The following RIMS4 variants were observed in gnomAD, a reference collection of about 807,000 sequenced individuals.
RIMS4 encodes the protein regulating synaptic membrane exocytosis 4.
Under a neutral mutation model 29.0 loss-of-function variants are expected in RIMS4, and 9 were observed. The observed-to-expected ratio is 0.31, with a 90% confidence interval of 0.19 to 0.54. The LOEUF (loss-of-function observed/expected upper bound fraction) is 0.54, where lower values mean the gene tolerates loss of function less well. Among genes scored for constraint, RIMS4 ranks in the 20% least tolerant of loss-of-function variants. The pLI, the probability that RIMS4 is intolerant of heterozygous loss-of-function variation, is 0.94. For synonymous variants in RIMS4, 130 were observed against 152.9 expected (o/e 0.85, Z 1.10); for missense variants, 193 against 365.7 (o/e 0.53, Z 3.85).
At chr20:44,787,679 AG>A (rs1474118283) in intron 1 of RIMS4, among the ~76,000 whole-genome samples, 1 of 150,736 alleles carries the variant, frequency 6.6e-6, no homozygotes, top group African/African-American at 2.5e-5. Context: ...CCCAGAGAAA[AG>A]TTTTGGTTTT....
chr20:44,764,255 C>CATCCATCCATCCATCCATCCATCCA (rs1325046131), intron 2 of RIMS4, among the ~76,000 whole-genome samples: 3 of 144,312 alleles, frequency 2.1e-5, no homozygotes, highest in African/African-American at 5.2e-5. Flanking sequence ...TCCATCCATC[C>CATCCATCCATCCATCCATCCATCCA]TCCCACAAAC....
chr20:44,772,207 T>C (rs2066140387), intron 1 of RIMS4, among the ~76,000 whole-genome samples: 4 of 152,132 alleles, frequency 2.6e-5, no homozygotes, highest in Non-Finnish European at 5.9e-5. Context: ...ATCCAAGATC[T>C]TTCTTGACCT....
chr20:44,789,431 G>A (rs1192310086), intron 1 of RIMS4, among the ~76,000 whole-genome samples: 2 of 152,120 alleles, frequency 1.3e-5, no homozygotes, highest in African/African-American at 4.8e-5. Context: ...TGAGTAGCTG[G>A]GACGGCAGGC....
In RIMS4 at chr20:44,810,375, G is replaced by A; in HGVS notation, c.-104C>T. ...CTTGACGCGGAGTACGGCGCGCGGC[G>A]TGGTGGCGGCGGCCCGGGGCCGGGC... On this transcript the variant is annotated 5_prime_UTR_variant, in exon 1 of 6. In the 5' UTR this introduces an upstream ATG that the reference lacks. Transcript: ENST00000372851. 1 of 205,670 alleles carries A rather than the reference G, an allele frequency of 4.9e-6. No homozygotes were observed. The highest frequency in any genetic ancestry group is 8.4e-6 in the Non-Finnish European group (1 of 119,494). 12.7% of individuals were successfully genotyped at this position (205,670 alleles called of 1,614,324 possible).
chr20:44,807,765 T>C (rs2066305241), intron 1 of RIMS4, among the ~76,000 whole-genome samples: 1 of 152,234 alleles, frequency 6.6e-6, no homozygotes, highest in Non-Finnish European at 1.5e-5. Flanking sequence ...CAACGCTGCC[T>C]ACTTCTGACT....
chr20:44,799,682 C>G (rs1117080), intron 1 of RIMS4, among the ~76,000 whole-genome samples: 38,495 of 152,076 alleles, frequency 0.25, 5,521 homozygotes, highest in East Asian at 0.43. Flanking sequence ...GAGATAAAGG[C>G]AGCAAACTTG....
Position 44,751,896 on chromosome 20 carries a change from G to A in RIMS4, c.*4238C>T, listed in dbSNP as rs971029405. 5 of 152,222 alleles carry A rather than the reference G, an allele frequency of 3.3e-5. No individual in the cohort carries two copies. The highest frequency in any genetic ancestry group is 1.2e-4 in the African/African-American group (5 of 41,432). 9.4% of individuals were successfully genotyped at this position (152,222 alleles called of 1,614,324 possible). A position where few individuals can be genotyped will look rare whatever the true frequency, so the allele number is the denominator to read the frequency against. On this transcript the variant is annotated 3_prime_UTR_variant, in exon 6 of 6. Transcript: ENST00000372851. ...ACCCCACTCCAACCCAAGGGCCCCAGAAACCCTCCCTCCCTAAAGGCCTGG... is the reference window on the plus strand; with the variant it reads ...ACCCCACTCCAACCCAAGGGCCCCAAAAACCCTCCCTCCCTAAAGGCCTGG...
chr20:44,801,725 T>C (rs1248761414), intron 1 of RIMS4, among the ~76,000 whole-genome samples: 1 of 152,122 alleles, frequency 6.6e-6, no homozygotes, highest in Non-Finnish European at 1.5e-5. Context: ...CTAGAGGCTT[T>C]ATGAGGGCCT....
intron 2 of RIMS4, among the ~76,000 whole-genome samples, chr20:44,760,293 C>T (rs919345933): frequency 3.9e-5 from 6 of 152,142 alleles, no homozygotes; most frequent in African/African-American, 1.4e-4. Flanking sequence ...ACTTACTCTT[C>T]TTATTGGGTG....
intron 1 of RIMS4, among the ~76,000 whole-genome samples, chr20:44,782,877 T>C (rs949618864): frequency 2.6e-5 from 4 of 152,180 alleles, no homozygotes; most frequent in Non-Finnish European, 4.4e-5. Context: ...AGACACCAAA[T>C]GGTTTGTTCC....
intron 2 of RIMS4, among the ~76,000 whole-genome samples, chr20:44,763,814 AGATG>A (rs980747855): frequency 1.3e-5 from 2 of 152,204 alleles, no homozygotes; most frequent in African/African-American, 4.8e-5. Flanking sequence ...TCTCTTTTCC[AGATG>A]GATCACTCGT....
intron 2 of RIMS4, among the ~76,000 whole-genome samples, chr20:44,762,960 G>A (rs780360722): frequency 5.3e-5 from 8 of 152,172 alleles, no homozygotes; most frequent in African/African-American, 9.7e-5. Context: ...GACAGTGTCT[G>A]GCCTTTTTGT....
intron 1 of RIMS4, among the ~76,000 whole-genome samples, chr20:44,782,272 A>G (rs2066187763): frequency 6.6e-6 from 1 of 152,084 alleles, no homozygotes; most frequent in Non-Finnish European, 1.5e-5. Context: ...TACTTAACAT[A>G]CCTTATTTTT....
chr20:44,761,725 A>T (rs1444415163), intron 2 of RIMS4, among the ~76,000 whole-genome samples: 1 of 152,222 alleles, frequency 6.6e-6, no homozygotes, highest in Non-Finnish European at 1.5e-5. Context: ...TTCCACTTGA[A>T]TCTTTGAATC....
intron 2 of RIMS4, among the ~76,000 whole-genome samples, chr20:44,765,383 A>T (rs1241083726): frequency 1.3e-5 from 2 of 152,060 alleles, no homozygotes; most frequent in Non-Finnish European, 2.9e-5. Context: ...GCCTTGGTTT[A>T]CTCCCCAGGA....
intron 1 of RIMS4, among the ~76,000 whole-genome samples, chr20:44,782,559 T>C (rs2066189073): frequency 6.6e-6 from 1 of 152,152 alleles, no homozygotes; most frequent in African/African-American, 2.4e-5. Context: ...ATTACAGGCA[T>C]GAACCACCAT....
At chr20:44,772,682 ATTAGTGGGATC>A (rs2066142304) in intron 1 of RIMS4, among the ~76,000 whole-genome samples, 1 of 152,174 alleles carries the variant, frequency 6.6e-6, no homozygotes, top group Non-Finnish European at 1.5e-5. Flanking sequence ...GGGGTAGATC[ATTAGTGGGATC>A]TTTTTCATGG....
At chr20:44,760,939 G>A (rs1323499468) in intron 2 of RIMS4, among the ~76,000 whole-genome samples, 1 of 152,070 alleles carries the variant, frequency 6.6e-6, no homozygotes. Context: ...GGATGTGGGC[G>A]GCAATACAAA....
intron 1 of RIMS4, among the ~76,000 whole-genome samples, chr20:44,795,641 A>C (rs542984257): frequency 1.3e-5 from 2 of 152,228 alleles, no homozygotes; most frequent in African/African-American, 4.8e-5. Context: ...CCAAAAAAAA[A>C]AATAGGGATA....
Sources: allele counts gnomAD v4.1 joint callset (sites outside exome capture counted in the v4.1 genomes callset), GRCh38; gene constraint gnomAD v4.1.1; transcripts MANE v1.5; gene names NCBI Gene and HGNC (gene_info 2026-07-23, HGNC 2026-07-21).